Variants in MAP2K5 observed in about 807,000 individuals in gnomAD.
MAP2K5 encodes mitogen-activated protein kinase kinase 5, also known as dual specificity mitogen-activated protein kinase kinase 5.
Under a neutral mutation model 83.1 loss-of-function variants are expected in MAP2K5, and 49 were observed. That is an observed-to-expected ratio of 0.59 (90% CI 0.47 to 0.75). The LOEUF (loss-of-function observed/expected upper bound fraction) is 0.75, where lower values mean the gene tolerates loss of function less well. Ranked by LOEUF, MAP2K5 falls within the 30% of genes least tolerant of loss-of-function variation. The pLI is 0.00. For synonymous variants in MAP2K5, 202 were observed against 191.8 expected, an observed-to-expected ratio of 1.05 and a Z score of -0.44; for missense variants, 457 against 557.5, an observed-to-expected ratio of 0.82 and a Z score of 1.82.
At chr15:67,681,728 C>T (rs1028869247) in intron 13 of MAP2K5, among the ~76,000 whole-genome samples, 15 of 152,072 alleles carry the variant, frequency 9.9e-5, no homozygotes, top group African/African-American at 3.6e-4. Context: ...TTATGTGTTG[C>T]GGTAGAAGAA....
intron 8 of MAP2K5, among the ~76,000 whole-genome samples, chr15:67,615,667 T>TTTTAATTTAAAAATTTAAATTTA (rs2086039063): frequency 6.6e-6 from 1 of 152,124 alleles, no homozygotes; most frequent in East Asian, 1.9e-4. Context: ...GAGGATTAAA[T>TTTTAATTTAAAAATTTAAATTTA]TTTAATTTAA....
chr15:67,804,147 C>A (rs548784853), intron 21 of MAP2K5, among the ~76,000 whole-genome samples: 1 of 152,148 alleles, frequency 6.6e-6, no homozygotes, highest in African/African-American at 2.4e-5. Context: ...CACGACCCCC[C>A]GCCTGCCTGC....
intron 9 of MAP2K5, among the ~76,000 whole-genome samples, chr15:67,634,380 A>AT (rs1420011461): frequency 1.8e-4 from 10 of 56,250 alleles, no homozygotes; most frequent in Non-Finnish European, 2.9e-4. Flanking sequence ...AAAAAAAAAA[A>AT]AAAAAAAAAA....
At chr15:67,656,876 C>T (rs905024192) in intron 11 of MAP2K5, among the ~76,000 whole-genome samples, 1 of 152,102 alleles carries the variant, frequency 6.6e-6, no homozygotes, top group Admixed American at 6.5e-5. Context: ...TTAAACCAAC[C>T]CCTTCTGCCA....
chr15:67,612,385 TG>T (rs1378798512), intron 8 of MAP2K5, among the ~76,000 whole-genome samples: 25 of 152,322 alleles, frequency 1.6e-4, no homozygotes, highest in African/African-American at 5.8e-4. Flanking sequence ...TATATATTTT[TG>T]TAACTCAACA....
chr15:67,553,882 C>T (rs967211915), intron 2 of MAP2K5, among the ~76,000 whole-genome samples: 3 of 125,222 alleles, frequency 2.4e-5, no homozygotes, highest in Non-Finnish European at 3.2e-5. Flanking sequence ...CACTGCAGTC[C>T]GCAGTCCGGC....
At chr15:67,667,672 T>A (rs1380949983) in intron 13 of MAP2K5, among the ~76,000 whole-genome samples, 2 of 152,102 alleles carry the variant, frequency 1.3e-5, no homozygotes, top group African/African-American at 4.8e-5. Flanking sequence ...AAGAAATTGC[T>A]TTGTACTTAT....
rs1368512510 is a variant in MAP2K5, at chr15:67,586,925, CAAGTA to C, written c.431+17_431+21del. On this transcript the variant is annotated intron_variant, in intron 6 of 21. Transcript: ENST00000178640. ...CTTCCAAGCAATAGGTGCGAGCGAG[CAAGTA>C]AAGTGTGCCCTTGATGTGATTTATC... 2 of 1,613,710 alleles carry C rather than the reference CAAGTA, an allele frequency of 1.2e-6. No homozygotes were observed. Among genetic ancestry groups the C allele is most frequent in the Admixed American group, 3.3e-5 (2 of 60,010 alleles).
chr15:67,629,077 A>G, intron 8 of MAP2K5: 1 of 738,394 alleles, frequency 1.4e-6, no homozygotes, highest in Non-Finnish European at 2.5e-6. Context: ...CCATGAAACC[A>G]AGGTGGCCAT....
chr15:67,763,460 TCC>T (rs943723399), intron 19 of MAP2K5, among the ~76,000 whole-genome samples: 5 of 152,254 alleles, frequency 3.3e-5, no homozygotes, highest in African/African-American at 1.2e-4. Context: ...TGCTTTTTTC[TCC>T]CCTGTCTACA....
At chr15:67,791,469 A>G (rs2090517516) in intron 21 of MAP2K5, among the ~76,000 whole-genome samples, 1 of 152,198 alleles carries the variant, frequency 6.6e-6, no homozygotes, top group African/African-American at 2.4e-5. Context: ...TGTTTATAAA[A>G]TAGGTTATCA....
rs767656824 is a variant in MAP2K5 at position 67,585,946 on chromosome 15, A to G, written c.363+16A>G. ...TGGCCTGAAGGTACGAATTTCAATA[A>G]TTGTTTCAGTAAAGTTAGATGGATT... On this transcript the variant is annotated intron_variant, in intron 5 of 21. Coordinates refer to ENST00000178640, the MANE Select transcript of MAP2K5 (RefSeq NM_145160.3). 17 of 1,610,606 alleles carry G rather than the reference A, an allele frequency of 1.1e-5. No homozygotes were observed. Among genetic ancestry groups the G allele is most frequent in the South Asian group, 4.4e-5 (4 of 91,000 alleles).
intron 14 of MAP2K5, 109 bp downstream of exon 14, chr15:67,692,661 T>G: frequency 2.6e-6 from 2 of 773,592 alleles, no homozygotes. Flanking sequence ...AAACAGAAAC[T>G]CTGCATCTTT....
At chr15:67,688,909 C>T (rs2088026773) in intron 13 of MAP2K5, among the ~76,000 whole-genome samples, 1 of 152,106 alleles carries the variant, frequency 6.6e-6, no homozygotes, top group African/African-American at 2.4e-5. Flanking sequence ...CTCAAGGTTG[C>T]TGGTAAAGGG....
intron 9 of MAP2K5, among the ~76,000 whole-genome samples, chr15:67,643,043 A>T (rs1343003012): frequency 1.3e-5 from 2 of 152,160 alleles, no homozygotes; most frequent in African/African-American, 4.8e-5. Flanking sequence ...CAAAATAACA[A>T]AGATGTGGGC....
intron 1 of MAP2K5, among the ~76,000 whole-genome samples, chr15:67,545,535 A>T (rs374904015): frequency 1.3e-4 from 20 of 152,208 alleles, no homozygotes; most frequent in African/African-American, 4.3e-4. Flanking sequence ...ACTTGGAAAG[A>T]TTATGTGAGA....
intron 17 of MAP2K5, among the ~76,000 whole-genome samples, chr15:67,743,923 T>TA (rs2089548445): frequency 6.6e-6 from 1 of 152,312 alleles, no homozygotes; most frequent in African/African-American, 2.4e-5. Context: ...GGCATCTGAC[T>TA]AGAATCCCAG....
Position 67,563,172 on chromosome 15 carries a change from T to C in MAP2K5, c.185-111T>C, listed in dbSNP as rs1294810251. The C allele has an allele frequency of 5.3e-6, 6 of 1,124,976 alleles. No homozygotes were observed. Among genetic ancestry groups the C allele is most frequent in the Non-Finnish European group, 7.2e-6 (6 of 831,190 alleles). 69.7% of individuals were successfully genotyped at this position (1,124,976 alleles called of 1,614,324 possible). A position where few individuals can be genotyped will look rare whatever the true frequency, so the allele number is the denominator to read the frequency against. ...TAATAATGTCAACATACCCCCAAAA[T>C]GTGGTGTTGAGGGTTAGAATATCAC... On this transcript the variant is annotated intron_variant, in intron 2 of 21. Coordinates refer to ENST00000178640, the MANE Select transcript of MAP2K5 (RefSeq NM_145160.3). This position sits in a 1 kb window ranked among gnomAD's most constrained non-coding sequence, Gnocchi z 4.5.
At chr15:67,649,955 T>C (rs559547952) in intron 11 of MAP2K5, among the ~76,000 whole-genome samples, 39 of 152,332 alleles carry the variant, frequency 2.6e-4, no homozygotes, top group Non-Finnish European at 4.7e-4. Flanking sequence ...GTCTTAACAT[T>C]ATTTAATCTT....
Sources: gnomAD v4.1 joint callset for allele counts (sites outside exome capture counted in the v4.1 genomes callset) on GRCh38, gnomAD v4.1.1 for gene constraint, Gnocchi (gnomAD v3.1) non-coding constraint, MANE v1.5 for transcripts, NCBI Gene and HGNC (gene_info 2026-07-23, HGNC 2026-07-21) for gene names.